PALMD: variants seen among roughly 807,000 people sequenced by gnomAD.
PALMD encodes the protein paralemmin-like protein.
Under a neutral mutation model 56.2 loss-of-function variants are expected in PALMD, and 42 were observed. That is an observed-to-expected ratio of 0.75 (90% CI 0.58 to 0.97). The LOEUF (loss-of-function observed/expected upper bound fraction) is 0.97, where lower values mean the gene tolerates loss of function less well. Ranked by LOEUF, PALMD falls within the 50% of genes least tolerant of loss-of-function variation. The probability of loss-of-function intolerance (pLI) is 0.00; values close to 1 mark genes in which losing one functional copy is unlikely to be tolerated. For synonymous variants in PALMD, 242 were observed against 222.9 expected (o/e 1.09, Z -0.76); for missense variants, 660 against 643.8 (o/e 1.03, Z -0.27).
At position 99,673,114 on chromosome 1, in the gene PALMD, T is replaced by C. The variant is rs369726243; in HGVS notation, c.251+5348T>C. Among the ~76,000 whole-genome samples the C allele has an allele frequency of 2.2e-4, 33 of 152,222 alleles. 1 individual carries two copies. Among genetic ancestry groups the C allele is most frequent in the African/African-American group, 7.2e-4 (30 of 41,528 alleles). On this transcript the variant is annotated intron_variant, in intron 3 of 7. Transcript: ENST00000263174. ...GGAGCTGAAACCCAGGAAAATGCAT[T>C]CTGCTCAATATCATGTAAAGCAATA...
At chr1:99,678,765 A>G (rs992682635) in intron 3 of PALMD, among the ~76,000 whole-genome samples, 1 of 152,136 alleles carries the variant, frequency 6.6e-6, no homozygotes, top group Admixed American at 6.6e-5. Context: ...AGAATTGCTC[A>G]CCACTCTAGG....
chr1:99,671,670 GA>G (rs1653091208), intron 3 of PALMD, among the ~76,000 whole-genome samples: 1 of 152,096 alleles, frequency 6.6e-6, no homozygotes, highest in Non-Finnish European at 1.5e-5. Context: ...AATAATCTAT[GA>G]TTTTTTTTAT....
rs576471800 is a variant in PALMD at position 99,689,126 on chromosome 1, T to C, written c.866T>C (p.Ile289Thr). The part of the protein sequence containing the change: ...PGPNFQERIK[I>T]KTNGLGIGVN... ...CCAAACTTTCAAGAAAGGATAAAGA[T>C]TAAAACTAATGGACTGGGTATTGGT... Residue 289 changes from isoleucine to threonine, a missense_variant, in exon 7 of 8, where the codon ATT (isoleucine) becomes ACT (threonine). Transcript: ENST00000263174. 6.2e-7 allele frequency: 1 copy of C among 1,613,120 alleles called. No homozygotes were observed.
chr1:99,676,359 CT>C (rs1297085471), intron 3 of PALMD, among the ~76,000 whole-genome samples: 2 of 152,090 alleles, frequency 1.3e-5, no homozygotes, highest in African/African-American at 4.8e-5. Context: ...TGTCTATGCA[CT>C]GAATTATTCT....
At position 99,686,961 on chromosome 1, in the gene PALMD, A is replaced by C; in HGVS notation, c.398A>C (p.Glu133Ala). 1 of 1,580,658 alleles carries C rather than the reference A, an allele frequency of 6.3e-7. No individual in the cohort carries two copies. The highest frequency in any genetic ancestry group is 8.7e-7 in the Non-Finnish European group (1 of 1,153,172). ...SVKVEREERA[E>A]ESIEDIYANI... ...AAAGTGGAAAGAGAAGAAAGAGCAGAAGGTATGTTTTTGAATAACTTATTT... is the reference window on the plus strand; with the variant it reads ...AAAGTGGAAAGAGAAGAAAGAGCAGCAGGTATGTTTTTGAATAACTTATTT... The change falls in exon 5 of 8, where the codon GAA becomes GCA. Residue 133 changes from glutamate to alanine, a missense_variant and splice_region_variant. Transcript: ENST00000263174.
chr1:99,693,596 GT>G (rs1285415423), intron 7 of PALMD, among the ~76,000 whole-genome samples: 3 of 152,174 alleles, frequency 2.0e-5, no homozygotes, highest in Non-Finnish European at 2.9e-5. Context: ...GGGAAAGGAA[GT>G]TGAATGAGCT....
intron 3 of PALMD, among the ~76,000 whole-genome samples, chr1:99,681,293 G>A (rs1653340271): frequency 6.6e-6 from 1 of 152,034 alleles, no homozygotes; most frequent in African/African-American, 2.4e-5. Flanking sequence ...TTCAGACTCT[G>A]TAAGTAAATA....
At chr1:99,663,913 A>AAC (rs964254109) in intron 2 of PALMD, among the ~76,000 whole-genome samples, 4 of 152,288 alleles carry the variant, frequency 2.6e-5, no homozygotes, top group Non-Finnish European at 5.9e-5. Context: ...TGCTCTCCAG[A>AAC]ACACAGGAGA....
intron 3 of PALMD, chr1:99,683,136 A>G (rs144255354): frequency 1.6e-5 from 2 of 124,928 alleles, no homozygotes; most frequent in African/African-American, 4.6e-5. Flanking sequence ...GAAAGAAAGA[A>G]AGAAAGAAAG....
In PALMD at chr1:99,686,751, AC is replaced by A; in HGVS notation, c.328del (p.Leu110Ter). The A allele has an allele frequency of 6.2e-7, 1 of 1,606,862 alleles. No individual in the cohort carries two copies. The highest frequency in any genetic ancestry group is 8.5e-7 in the Non-Finnish European group (1 of 1,174,374). On this transcript the variant is annotated frameshift_variant, in exon 4 of 8. Transcript: ENST00000263174. LOFTEE classifies it high-confidence loss of function. ...CGAAGGAAGAGGCCATTTTAAAGAA[AC>A]TAAAGTCAATTGAGCGGACAACAGA... The part of the protein sequence containing the change: ...STKEEAILKK[L>X]KSIERTTEDI...
intron 1 of PALMD, among the ~76,000 whole-genome samples, chr1:99,648,919 A>G (rs1557665640): frequency 6.7e-6 from 1 of 150,030 alleles, no homozygotes; most frequent in Non-Finnish European, 1.5e-5. Context: ...TAAACACATT[A>G]AGTAGTTGAA....
chr1:99,655,551 C>T (rs1287039641), intron 1 of PALMD, among the ~76,000 whole-genome samples: 1 of 152,066 alleles, frequency 6.6e-6, no homozygotes, highest in Non-Finnish European at 1.5e-5. Context: ...CATCATTCAC[C>T]TCTTTGCCTC....
Position 99,686,744 on chromosome 1 carries a change from T to C in PALMD, c.320T>C (p.Leu107Ser), listed in dbSNP as rs147040920. 1.9e-5 allele frequency: 31 copies of C among 1,607,264 alleles called. No homozygotes were observed. In the African/African-American group the frequency reaches 3.9e-4, roughly 20 times the overall value. ...ATCTCAACGAAGGAAGAGGCCATTT[T>C]AAAGAAACTAAAGTCAATTGAGCGG... ...LQISTKEEAI[L>S]KKLKSIERTT... The change falls in exon 4 of 8, where the codon TTA (leucine) becomes TCA (serine). Residue 107 changes from leucine (L) to serine (S), a missense_variant. Physicochemically the swap from Leu to Ser is moderately radical, Grantham distance 145. Transcript: ENST00000263174.
chr1:99,647,732 G>A (rs1051785813), intron 1 of PALMD, among the ~76,000 whole-genome samples: 2 of 152,212 alleles, frequency 1.3e-5, no homozygotes, highest in South Asian at 2.1e-4. Context: ...ATTAGACTGC[G>A]TGAGTTGTGT....
intron 2 of PALMD, among the ~76,000 whole-genome samples, chr1:99,664,808 C>A (rs1048902701): frequency 6.6e-6 from 1 of 152,172 alleles, no homozygotes; most frequent in African/African-American, 2.4e-5. Flanking sequence ...TTCCTGATTG[C>A]AAACTAGTTC....
At chr1:99,673,562 C>T (rs1477336832) in intron 3 of PALMD, among the ~76,000 whole-genome samples, 1 of 152,126 alleles carries the variant, frequency 6.6e-6, no homozygotes, top group Non-Finnish European at 1.5e-5. Flanking sequence ...AGAAATTATT[C>T]TAAGGTAATT....
chr1:99,667,058 T>C (rs1247893187), intron 2 of PALMD, among the ~76,000 whole-genome samples: 2 of 152,118 alleles, frequency 1.3e-5, no homozygotes, highest in Non-Finnish European at 2.9e-5. Context: ...GGCAAAACAA[T>C]AAACAGCTGC....
At position 99,694,002 on chromosome 1, in the gene PALMD, T is replaced by C; in HGVS notation, c.1613-17T>C. 2 of 1,581,046 alleles carry C rather than the reference T, an allele frequency of 1.3e-6. No homozygotes were observed. Among genetic ancestry groups the C allele is most frequent in the Non-Finnish European group, 1.7e-6 (2 of 1,157,992 alleles). ...GGATTTTTTTTATAACTCTCTTTTT[T>C]TTTCTTTAATTTGCAGCTTTAAGGA... On this transcript the variant is annotated splice_polypyrimidine_tract_variant and intron_variant, in intron 7 of 7. Coordinates refer to ENST00000263174, the MANE Select transcript of PALMD (RefSeq NM_017734.5).
intron 1 of PALMD, among the ~76,000 whole-genome samples, chr1:99,655,572 C>T (rs1181025148): frequency 1.3e-5 from 2 of 152,244 alleles, no homozygotes; most frequent in African/African-American, 4.8e-5. Flanking sequence ...TTCAAAAAAA[C>T]TGGGTCATTT....
Sources: gnomAD v4.1 joint callset for allele counts (sites outside exome capture counted in the v4.1 genomes callset) on GRCh38, gnomAD v4.1.1 for gene constraint, MANE v1.5 for transcripts, NCBI Gene and HGNC (gene_info 2026-07-23, HGNC 2026-07-21) for gene names.